HECW2: variants seen among roughly 807,000 people sequenced by gnomAD.
The protein encoded by HECW2 is HECT, C2 and WW domain containing E3 ubiquitin protein ligase 2.
In HECW2, 61 loss-of-function variants were observed where a neutral mutation model predicts 175.2. The observed-to-expected ratio is 0.35, with a 90% CI of 0.28 to 0.43. The LOEUF (loss-of-function observed/expected upper bound fraction) is 0.43, where lower values mean the gene tolerates loss of function less well. Among genes scored for constraint, HECW2 ranks in the 20% least tolerant of loss-of-function variants. HECW2 has a pLI of 1.00. For synonymous variants in HECW2, 671 were observed against 731.0 expected, an observed-to-expected ratio of 0.92 and a Z score of 1.32; for missense variants, 1,524 against 2,000.5, an observed-to-expected ratio of 0.76 and a Z score of 4.54.
chr2:196,478,387 G>A (rs1686731335), intron 1 of HECW2, among the ~76,000 whole-genome samples: 1 of 152,172 alleles, frequency 6.6e-6, no homozygotes. Context: ...GCTGGTCTGT[G>A]ATGGTATTAC....
chr2:196,280,464 A>G (rs1409024349), intron 14 of HECW2, among the ~76,000 whole-genome samples: 1 of 152,248 alleles, frequency 6.6e-6, no homozygotes, highest in Non-Finnish European at 1.5e-5. Context: ...CATCTTTATA[A>G]AGAAATAACT....
chr2:196,270,546 T>C (rs12988737), intron 17 of HECW2, among the ~76,000 whole-genome samples: 6,699 of 152,316 alleles, frequency 0.044, 232 homozygotes, highest in Non-Finnish European at 0.066. Context: ...TTCAATAAAC[T>C]GTATGCTACT....
At chr2:196,253,826 T>A (rs1688948757) in intron 19 of HECW2, 94 bp downstream of exon 19, 3 of 1,127,182 alleles carry the variant, frequency 2.7e-6, no homozygotes, top group Non-Finnish European at 4.0e-6. Context: ...GTACCTGAAG[T>A]GTTCCCTTAC....
chr2:196,230,213 TGC>T (rs1306940601), intron 21 of HECW2, among the ~76,000 whole-genome samples: 1 of 152,218 alleles, frequency 6.6e-6, no homozygotes, highest in Non-Finnish European at 1.5e-5. Flanking sequence ...CATGCAGGGA[TGC>T]ACAGACTACC....
rs573678233 is a variant in HECW2, at chr2:196,477,822, CGGGT to C, written c.-35-44368_-35-44365del. 7.9e-5 allele frequency among the ~76,000 whole-genome samples: 12 copies of C among 152,188 alleles called. No homozygotes were observed. The South Asian group carries it at 2.3e-3, about 29-fold the overall frequency. On this transcript the variant is annotated intron_variant, in intron 1 of 28. Coordinates refer to ENST00000644978, the MANE Select transcript of HECW2 (RefSeq NM_001348768.2). ...ATCCCAGCATTTTGGGAGGCTGAGGCGGGTGGATCACCTGAGGTCAGGAGTTCGA... is the reference window on the plus strand; with the variant it reads ...ATCCCAGCATTTTGGGAGGCTGAGGCGGATCACCTGAGGTCAGGAGTTCGA...
intron 2 of HECW2, among the ~76,000 whole-genome samples, chr2:196,406,939 T>G (rs12693793): frequency 0.03 from 4,501 of 152,300 alleles, 221 homozygotes; most frequent in African/African-American, 0.1. Flanking sequence ...TGAAATACTA[T>G]CTGACATTTT....
At chr2:196,312,021 T>C (rs1248045393) in intron 10 of HECW2, among the ~76,000 whole-genome samples, 2 of 152,162 alleles carry the variant, frequency 1.3e-5, no homozygotes, top group Non-Finnish European at 2.9e-5. Context: ...CGTAAGGTCT[T>C]CAGAGTTTAC....
At chr2:196,445,810 G>A (rs1353223588) in intron 1 of HECW2, among the ~76,000 whole-genome samples, 1 of 152,166 alleles carries the variant, frequency 6.6e-6, no homozygotes, top group Non-Finnish European at 1.5e-5. Context: ...TAAAAAATAT[G>A]GCGTGCATTC....
intron 1 of HECW2, among the ~76,000 whole-genome samples, chr2:196,446,422 G>GT (rs2125299537): frequency 6.6e-6 from 1 of 152,168 alleles, no homozygotes; most frequent in South Asian, 2.1e-4. Flanking sequence ...TTATTCACCT[G>GT]TTTATTGCAT....
At chr2:196,231,999 A>T (rs963812123) in intron 21 of HECW2, among the ~76,000 whole-genome samples, 1 of 152,170 alleles carries the variant, frequency 6.6e-6, no homozygotes, top group Non-Finnish European at 1.5e-5. Context: ...TCAAATAAAA[A>T]AAAAATCTAG....
At chr2:196,462,425 A>G (rs1176543846) in intron 1 of HECW2, among the ~76,000 whole-genome samples, 4 of 152,228 alleles carry the variant, frequency 2.6e-5, no homozygotes, top group Non-Finnish European at 5.9e-5. Flanking sequence ...TTATATGATC[A>G]AGATGACAAT....
At chr2:196,289,712 A>G (rs1690533602) in intron 14 of HECW2, 1 of 152,206 alleles carries the variant, frequency 6.6e-6, no homozygotes, top group Admixed American at 6.5e-5. Context: ...GTCTCTTAAA[A>G]TAAATATTAT....
At chr2:196,566,279 A>C (rs1690184614) in intron 1 of HECW2, among the ~76,000 whole-genome samples, 3 of 33,672 alleles carry the variant, frequency 8.9e-5, no homozygotes, top group Non-Finnish European at 1.1e-4. Flanking sequence ...TTCAAAAATA[A>C]GCAAAAAAAA....
intron 2 of HECW2, among the ~76,000 whole-genome samples, chr2:196,421,897 C>G (rs1484310553): frequency 6.6e-6 from 1 of 152,040 alleles, no homozygotes; most frequent in Non-Finnish European, 1.5e-5. Context: ...TTTCGAAAAC[C>G]CATCTAATAT....
At chr2:196,490,760 A>G (rs1322798650) in intron 1 of HECW2, among the ~76,000 whole-genome samples, 1 of 152,250 alleles carries the variant, frequency 6.6e-6, no homozygotes, top group Admixed American at 6.5e-5. Context: ...ATAAAATGGA[A>G]TACTATTCAG....
At chr2:196,392,125 T>C (rs1694529980) in intron 2 of HECW2, among the ~76,000 whole-genome samples, 1 of 152,222 alleles carries the variant, frequency 6.6e-6, no homozygotes, top group Non-Finnish European at 1.5e-5. Flanking sequence ...ATATGCTATG[T>C]AAATCTATGC....
rs946770002 is a variant in HECW2, at chr2:196,433,013, C to A, written c.292+119G>T. 7.3e-6 allele frequency: 6 copies of A among 820,688 alleles called. 1 individual carries two copies. The highest frequency in any genetic ancestry group is 5.7e-6 in the Non-Finnish European group (3 of 525,546). The allele number at this position is 820,688 out of a possible 1,614,324, so 50.8% of individuals were successfully genotyped here. A position where few individuals can be genotyped will look rare whatever the true frequency, so the allele number is the denominator to read the frequency against. On this transcript the variant is annotated intron_variant, in intron 2 of 28. Coordinates refer to ENST00000644978, the MANE Select transcript of HECW2 (RefSeq NM_001348768.2). The stretch of plus-strand genomic sequence containing the variant: ...AAGAAAAAAAATAAATTCCCAGAAT[C>A]TGCTATGTGTATATGTGCATGTGAA...
chr2:196,391,224 G>T (rs1694499992), intron 2 of HECW2, among the ~76,000 whole-genome samples: 1 of 152,152 alleles, frequency 6.6e-6, no homozygotes, highest in East Asian at 1.9e-4. Flanking sequence ...CCGTAACCCA[G>T]GTTCTAGTAA....
chr2:196,414,250 C>T (rs1316874337), intron 2 of HECW2, among the ~76,000 whole-genome samples: 1 of 152,190 alleles, frequency 6.6e-6, no homozygotes, highest in African/African-American at 2.4e-5. Context: ...GCAACATTTC[C>T]CCCAACAGCA....
Sources: gnomAD v4.1 joint callset for allele counts (sites outside exome capture counted in the v4.1 genomes callset) on GRCh38, gnomAD v4.1.1 for gene constraint, MANE v1.5 for transcripts, NCBI Gene and HGNC (gene_info 2026-07-23, HGNC 2026-07-21) for gene names.